The following CASP14 variants were observed in gnomAD, a reference collection of about 807,000 sequenced individuals.
CASP14 encodes caspase-14.
In CASP14, 27 loss-of-function variants were observed where a neutral mutation model predicts 28.4. The observed-to-expected ratio is 0.95, with a 90% CI of 0.70 to 1.31. CASP14 has a LOEUF of 1.31. CASP14 is among the 50% of genes most tolerant of loss of function. CASP14 has a pLI of 0.00. For synonymous variants in CASP14, 115 were observed against 118.6 expected, an observed-to-expected ratio of 0.97 and a Z score of 0.20; for missense variants, 323 against 312.8, an observed-to-expected ratio of 1.03 and a Z score of -0.25.
At position 15,057,067 on chromosome 19, in the gene CASP14, T is replaced by C. The variant is rs2046120968; in HGVS notation, c.*978T>C. 6.6e-6 allele frequency: 1 copy of C among 151,972 alleles called. No individual in the cohort carries two copies. The highest frequency in any genetic ancestry group is 2.1e-4 in the South Asian group (1 of 4,818). 9.4% of individuals were successfully genotyped at this position (151,972 alleles called of 1,614,324 possible). ...CTCCAAGGTAGGAGCTTTCTGGAAG[T>C]TTCTAGAAATTTTCAATAACCACCA... On this transcript the variant is annotated 3_prime_UTR_variant, in exon 7 of 7. Transcript: ENST00000427043.
intron 2 of CASP14, among the ~76,000 whole-genome samples, chr19:15,052,866 T>C (rs2046097203): frequency 6.6e-6 from 1 of 152,184 alleles, no homozygotes; most frequent in African/African-American, 2.4e-5. Flanking sequence ...TCCCCCAAGT[T>C]CATACCAAGC....
At chr19:15,050,011 A>G (rs2046082301) in intron 1 of CASP14, among the ~76,000 whole-genome samples, 1 of 152,118 alleles carries the variant, frequency 6.6e-6, no homozygotes, top group Non-Finnish European at 1.5e-5. Flanking sequence ...CTGTAATTCA[A>G]GTAGGAGCAA....
rs964266322 is a variant in CASP14 at position 15,057,721 on chromosome 19, T to G, written c.*1632T>G. 1 of 151,904 alleles carries G rather than the reference T, an allele frequency of 6.6e-6. No individual in the cohort carries two copies. The highest frequency in any genetic ancestry group is 2.4e-5 in the African/African-American group (1 of 41,300). The allele number at this position is 151,904 out of a possible 1,614,324, so 9.4% of individuals were successfully genotyped here. A position where few individuals can be genotyped will look rare whatever the true frequency, so the allele number is the denominator to read the frequency against. On this transcript the variant is annotated 3_prime_UTR_variant, in exon 7 of 7. Transcript: ENST00000427043. ...CTGGGCAACACAGCAAGACCCTGTC[T>G]CTAAAAAAAAAAATTAATTAACTGG...
chr19:15,056,130 T>C lies in CASP14; in HGVS notation c.*41T>C. 6.7e-7 allele frequency: 1 copy of C among 1,481,818 alleles called. No homozygotes were observed. Among genetic ancestry groups the C allele is most frequent in the South Asian group, 1.2e-5 (1 of 82,734 alleles). 91.8% of individuals were successfully genotyped at this position (1,481,818 alleles called of 1,614,324 possible). On this transcript the variant is annotated 3_prime_UTR_variant, in exon 7 of 7. Coordinates refer to ENST00000427043, the MANE Select transcript of CASP14 (RefSeq NM_012114.3). ...GAGGAGCTTTCCTTCCAGCATTCTTTCTGTCTCACAGAAATTTAGAGGCAG... is the reference window on the plus strand; with the variant it reads ...GAGGAGCTTTCCTTCCAGCATTCTTCCTGTCTCACAGAAATTTAGAGGCAG...
rs2046112405 is a variant in CASP14, at chr19:15,055,473, C to T, written c.564C>T (p.Ile188=). 1 of 1,614,096 alleles carries T rather than the reference C, an allele frequency of 6.2e-7. No individual in the cohort carries two copies. The highest frequency in any genetic ancestry group is 8.5e-7 in the Non-Finnish European group (1 of 1,179,996). The part of the protein sequence containing the change: ...YRHDQKGSCF[I]QTLVDVFTKR... ...ATGATCAGAAAGGCTCATGCTTTAT[C>T]CAGACCCTGGTGGATGTGTTCACGA... Residue 188 remains isoleucine (I), a synonymous_variant, in exon 6 of 7, where the codon ATC becomes ATT. Transcript: ENST00000427043.
Position 15,055,527 on chromosome 19 carries a change from G to T in CASP14, c.618G>T (p.Leu206=). 1 of 1,613,300 alleles carries T rather than the reference G, an allele frequency of 6.2e-7. No individual in the cohort carries two copies. The highest frequency in any genetic ancestry group is 1.1e-5 in the South Asian group (1 of 91,044). Residue 206 remains leucine (L), a synonymous_variant, in exon 6 of 7, where the codon CTG becomes CTT. Coordinates refer to ENST00000427043, the MANE Select transcript of CASP14 (RefSeq NM_012114.3). ...GGAAAGGACATATCTTGGAACTTCT[G>T]ACAGAGGTGAGTTGACAAAAGGTAG... ...TKRKGHILEL[L]TEVTRRMAEA...
At position 15,057,860 on chromosome 19, in the gene CASP14, C is replaced by G. The variant is rs939482412; in HGVS notation, c.*1771C>G. On this transcript the variant is annotated 3_prime_UTR_variant, in exon 7 of 7. Coordinates refer to ENST00000427043, the MANE Select transcript of CASP14 (RefSeq NM_012114.3). Reference sequence around the variant, plus strand: ...CTATGATCATGCCAGTGCATCCCAGCTCTAGGTGAGACAGTGAGATCCGGT... The same window carrying G: ...CTATGATCATGCCAGTGCATCCCAGGTCTAGGTGAGACAGTGAGATCCGGT... 3 of 152,366 alleles carry G rather than the reference C, an allele frequency of 2.0e-5. No individual in the cohort carries two copies. Among genetic ancestry groups the G allele is most frequent in the Admixed American group, 2.0e-4 (3 of 15,286 alleles). The allele number at this position is 152,366 out of a possible 1,614,324, so 9.4% of individuals were successfully genotyped here. A position where few individuals can be genotyped will look rare whatever the true frequency, so the allele number is the denominator to read the frequency against.
At chr19:15,054,734 A>G (rs1219621579) in intron 4 of CASP14, among the ~76,000 whole-genome samples, 2 of 149,864 alleles carry the variant, frequency 1.3e-5, no homozygotes, top group African/African-American at 4.9e-5. Context: ...CCCACCTCCC[A>G]GGTTCAAGCA....
Position 15,055,235 on chromosome 19 carries a change from A to G in CASP14, c.481A>G (p.Thr161Ala), listed in dbSNP as rs1395751931. 1.2e-6 allele frequency: 2 copies of G among 1,614,092 alleles called. No individual in the cohort carries two copies. Among genetic ancestry groups the G allele is most frequent in the East Asian group, 2.2e-5 (1 of 44,870 alleles). ...VIKDSPQTIP[T>A]YTDALHVYST... ...CAAAGACAGCCCACAAACCATCCCA[A>G]CATACACAGATGCCTTGCACGTTTA... Residue 161 changes from threonine to alanine, a missense_variant, in exon 5 of 7, where the codon ACA (threonine) becomes GCA (alanine). Coordinates refer to ENST00000427043, the MANE Select transcript of CASP14 (RefSeq NM_012114.3).
rs150080919 is a variant in CASP14, at chr19:15,053,938, T to A, written c.383T>A (p.Ile128Asn). 3.5e-4 allele frequency: 567 copies of A among 1,613,784 alleles called. 1 individual carries two copies. Among genetic ancestry groups the A allele is most frequent in the Non-Finnish European group, 4.5e-4 (527 of 1,179,950 alleles). ...QALRAKPKVY[I>N]IQACRGEQRD... ...CTGCGAGCTAAGCCCAAGGTGTACA[T>A]CATACAGGCCTGTCGAGGAGGTGGG... Residue 128 changes from isoleucine (I) to asparagine (N), a missense_variant, in exon 4 of 7, where the codon ATC (isoleucine) becomes AAC (asparagine). Ile to Asn is a moderately radical substitution (Grantham distance 149). Coordinates refer to ENST00000427043, the MANE Select transcript of CASP14 (RefSeq NM_012114.3).
intron 2 of CASP14, 67 bp from the exon 3 acceptor site, chr19:15,053,415 C>T: frequency 1.3e-6 from 2 of 1,598,168 alleles, no homozygotes; most frequent in East Asian, 2.2e-5. Context: ...GCCTGCATGC[C>T]TCTTTTGACT....
At chr19:15,055,924 A>C in intron 6 of CASP14, 61 bp from the exon 7 acceptor site, 1 of 1,364,936 alleles carries the variant, frequency 7.3e-7, no homozygotes. Flanking sequence ...CCGTTCCCTA[A>C]CCCTCCCCCC....
At chr19:15,050,520 GGGTGGGTAGATGGATAAGTAAATA>G (rs2046085615) in intron 1 of CASP14, among the ~76,000 whole-genome samples, 2 of 142,462 alleles carry the variant, frequency 1.4e-5, no homozygotes, top group Admixed American at 6.9e-5. Flanking sequence ...ATGGATGGGT[GGGTGGGTAGATGGATAAGTAAATA>G]GGTGGATGGA....
intron 1 of CASP14, among the ~76,000 whole-genome samples, chr19:15,051,391 C>T (rs1012312939): frequency 1.4e-5 from 2 of 145,554 alleles, no homozygotes; most frequent in Admixed American, 7.1e-5. Context: ...CCCAGCTACT[C>T]GGGAGGCTGA....
At chr19:15,054,723 C>T (rs2046107934) in intron 4 of CASP14, among the ~76,000 whole-genome samples, 1 of 151,938 alleles carries the variant, frequency 6.6e-6, no homozygotes, top group Non-Finnish European at 1.5e-5. Context: ...TCACTGCAAC[C>T]CCCACCTCCC....
intron 2 of CASP14, 96 bp from the exon 3 acceptor site, chr19:15,053,386 G>T (rs1246845707): frequency 5.6e-5 from 84 of 1,495,808 alleles, no homozygotes; most frequent in Non-Finnish European, 7.3e-5. Context: ...GGGATCACAG[G>T]CATGAGCCAC....
intron 1 of CASP14, 87 bp downstream of exon 1, chr19:15,049,732 C>CAT (rs2046081076): frequency 6.8e-6 from 1 of 147,844 alleles, no homozygotes; most frequent in Non-Finnish European, 1.5e-5. Context: ...CACACACACA[C>CAT]GCACATACAC....
chr19:15,055,071 C>G, intron 4 of CASP14, 87 bp from the exon 5 acceptor site: 4 of 974,862 alleles, frequency 4.1e-6, no homozygotes, highest in African/African-American at 1.6e-5. Context: ...CCCCAAAACA[C>G]TGGGAATACA....
chr19:15,050,098 A>G (rs3181304), intron 1 of CASP14, among the ~76,000 whole-genome samples: 75,059 of 151,874 alleles, frequency 0.49, 19,082 homozygotes, highest in African/African-American at 0.63. Context: ...TACCTGGGTC[A>G]CCATTGCTGT....
Sources: allele counts gnomAD v4.1 joint callset (sites outside exome capture counted in the v4.1 genomes callset), GRCh38; gene constraint gnomAD v4.1.1; transcripts MANE v1.5; gene names NCBI Gene and HGNC (gene_info 2026-07-23, HGNC 2026-07-21).